Variants in PCDH11X observed in about 807,000 individuals in gnomAD.
PCDH11X encodes the protein protocadherin-11 X-linked.
Under a neutral mutation model 53.3 loss-of-function variants are expected in PCDH11X, and 18 were observed. The ratio of observed to expected loss-of-function variants is 0.34; its 90% CI spans 0.23 to 0.50. The LOEUF (loss-of-function observed/expected upper bound fraction) is 0.50. Among genes scored for constraint, PCDH11X ranks in the 20% least tolerant of loss-of-function variants. PCDH11X has a pLI of 0.98. For synonymous variants in PCDH11X, 279 were observed against 393.3 expected (o/e 0.71, Z 3.44); for missense variants, 570 against 1,032.4 (o/e 0.55, Z 6.14).
At chrX:92,589,648 C>A (rs1924811479) in intron 10 of PCDH11X, among the ~76,000 whole-genome samples, 1 of 111,671 alleles carries the variant, frequency 9.0e-6, no homozygotes, top group South Asian at 3.8e-4. Flanking sequence ...AAATCACCTT[C>A]ATTAAAATGA....
At chrX:92,369,355 C>T (rs187587066) in intron 8 of PCDH11X, among the ~76,000 whole-genome samples, 1 of 111,028 alleles carries the variant, frequency 9.0e-6, no homozygotes, top group Non-Finnish European at 1.9e-5. Flanking sequence ...TGGCGGATGC[C>T]CCTCTCCCCA....
chrX:92,220,433 A>C (rs1216775660), intron 7 of PCDH11X, among the ~76,000 whole-genome samples: 4 of 105,439 alleles, frequency 3.8e-5, no homozygotes, highest in Admixed American at 1.0e-4. Flanking sequence ...ATGCAGCCAA[A>C]AAACACATGA....
intron 6 of PCDH11X, among the ~76,000 whole-genome samples, chrX:91,923,990 G>A (rs4021792): frequency 0.17 from 18,202 of 107,134 alleles, 1,256 homozygotes; most frequent in East Asian, 0.23. Flanking sequence ...CAATATTCCC[G>A]TGTAACAAAC....
intron 10 of PCDH11X, among the ~76,000 whole-genome samples, chrX:92,488,682 T>G (rs1344797196): frequency 9.3e-6 from 1 of 107,656 alleles, no homozygotes; most frequent in Non-Finnish European, 1.9e-5. Flanking sequence ...GTATTCAAAA[T>G]AGTTTCAATC....
intron 9 of PCDH11X, among the ~76,000 whole-genome samples, chrX:92,431,427 TAAA>T (rs756139835): frequency 8.1e-5 from 9 of 110,780 alleles, no homozygotes; most frequent in Non-Finnish European, 1.5e-4. Context: ...GTTTAAGACT[TAAA>T]ATAGAACTCA....
At chrX:91,948,772 G>A (rs943838596) in intron 6 of PCDH11X, among the ~76,000 whole-genome samples, 1 of 110,091 alleles carries the variant, frequency 9.1e-6, no homozygotes, top group African/African-American at 3.3e-5. Flanking sequence ...TATCCAAGGA[G>A]CAGCATGGGG....
At chrX:92,117,392 G>A (rs1246882162) in intron 6 of PCDH11X, among the ~76,000 whole-genome samples, 24 of 108,367 alleles carry the variant, frequency 2.2e-4, no homozygotes, top group South Asian at 8.4e-4. Flanking sequence ...AGCGGGGATC[G>A]GGCCACTTTA....
At chrX:92,111,172 C>T (rs759573878) in intron 6 of PCDH11X, among the ~76,000 whole-genome samples, 1 of 83,027 alleles carries the variant, frequency 1.2e-5, no homozygotes, top group African/African-American at 4.8e-5. Context: ...AAAGTAAGCT[C>T]TGTATTAGCC....
At chrX:92,344,643 TCAA>T (rs2069845025) in intron 8 of PCDH11X, among the ~76,000 whole-genome samples, 1 of 98,276 alleles carries the variant, frequency 1.0e-5, no homozygotes, top group African/African-American at 3.9e-5. Context: ...CATAAATACA[TCAA>T]CAAGGCAGAG....
chrX:91,781,730 G>A (rs1370352039), intron 1 of PCDH11X, among the ~76,000 whole-genome samples: 1 of 111,752 alleles, frequency 8.9e-6, no homozygotes, highest in African/African-American at 3.3e-5. Flanking sequence ...GCAAGTCGAA[G>A]TAATAGTGTA....
intron 6 of PCDH11X, among the ~76,000 whole-genome samples, chrX:92,022,224 G>A (rs1195703359): frequency 1.8e-5 from 2 of 108,436 alleles, no homozygotes; most frequent in African/African-American, 6.8e-5. Flanking sequence ...ACACAGACTG[G>A]CAAATTGGAT....
At chrX:92,365,522 G>A (rs1231546544) in intron 8 of PCDH11X, among the ~76,000 whole-genome samples, 1 of 110,466 alleles carries the variant, frequency 9.1e-6, no homozygotes, top group Non-Finnish European at 1.9e-5. Flanking sequence ...GATTACAGGT[G>A]TGAACCACCA....
chrX:92,321,359 A>AT (rs35285833), intron 8 of PCDH11X, among the ~76,000 whole-genome samples: 3,068 of 104,812 alleles, frequency 0.029, 104 homozygotes, highest in African/African-American at 0.098. Context: ...TGCCCAGCTA[A>AT]TTTTTTTTTT....
At chrX:92,449,607 T>A (rs959357789) in intron 9 of PCDH11X, among the ~76,000 whole-genome samples, 4 of 111,846 alleles carry the variant, frequency 3.6e-5, no homozygotes, top group Non-Finnish European at 7.5e-5. Flanking sequence ...AAAAAAATAA[T>A]GATAGAGCAT....
intron 5 of PCDH11X, among the ~76,000 whole-genome samples, chrX:91,860,661 T>C (rs1602378892): frequency 8.9e-6 from 1 of 112,019 alleles, no homozygotes; most frequent in Non-Finnish European, 1.9e-5. Flanking sequence ...CATTGAGAGT[T>C]TTTAACATGA....
Position 92,598,941 on chromosome X carries a change from G to T in PCDH11X, c.3368-19323G>T, listed in dbSNP as rs780962893. On this transcript the variant is annotated intron_variant, in intron 10 of 10. Coordinates refer to ENST00000682573, the MANE Select transcript of PCDH11X (RefSeq NM_032968.5). The stretch of plus-strand genomic sequence containing the variant: ...AAGTGAAATAAGCCAAGCACAATAA[G>T]ATCAGCATTGCATGTTCTCAATTAT... 5.5e-5 allele frequency among the ~76,000 whole-genome samples: 6 copies of T among 108,937 alleles called. No individual in the cohort carries two copies. The South Asian group carries it at 2.0e-3, about 37-fold the overall frequency. The allele number at this position is 108,937 out of a possible 115,157, so 94.6% of individuals were successfully genotyped here.
chrX:91,920,186 T>C (rs761912490), intron 6 of PCDH11X, among the ~76,000 whole-genome samples: 1 of 111,778 alleles, frequency 8.9e-6, no homozygotes, highest in Non-Finnish European at 1.9e-5. Context: ...TTTAGATTTT[T>C]TCTCCAGAGC....
intron 8 of PCDH11X, among the ~76,000 whole-genome samples, chrX:92,360,444 A>G (rs1433942041): frequency 9.0e-6 from 1 of 110,955 alleles, no homozygotes; most frequent in African/African-American, 3.3e-5. Context: ...AATAAATAGA[A>G]CATTATTTTC....
intron 7 of PCDH11X, among the ~76,000 whole-genome samples, chrX:92,242,889 G>A (rs1489856060): frequency 2.7e-5 from 3 of 111,316 alleles, no homozygotes; most frequent in African/African-American, 9.8e-5. Flanking sequence ...TCTTGTGCAT[G>A]TTTGACATTC....
Sources: allele counts gnomAD v4.1 joint callset (sites outside exome capture counted in the v4.1 genomes callset), GRCh38; gene constraint gnomAD v4.1.1; transcripts MANE v1.5; gene names NCBI Gene and HGNC (gene_info 2026-07-23, HGNC 2026-07-21).